The following GAD2 variants were observed in gnomAD, a reference collection of about 807,000 sequenced individuals.
GAD2 encodes the protein glutamate decarboxylase 2, also known as 65 kDa glutamic acid decarboxylase.
In GAD2, 22 loss-of-function variants were observed where a neutral mutation model predicts 80.1. The ratio of observed to expected loss-of-function variants is 0.27; its 90% CI spans 0.20 to 0.39. The LOEUF (loss-of-function observed/expected upper bound fraction) is 0.39, where lower values mean the gene tolerates loss of function less well. Ranked by LOEUF, GAD2 falls within the 10% of genes least tolerant of loss-of-function variation. The pLI, the probability that GAD2 is intolerant of heterozygous loss-of-function variation, is 1.00. For synonymous variants in GAD2, 274 were observed against 256.9 expected (o/e 1.07, Z -0.64); for missense variants, 624 against 738.4 (o/e 0.85, Z 1.80).
chr10:26,225,079 G>C (rs141662260), intron 6 of GAD2, among the ~76,000 whole-genome samples: 283 of 152,198 alleles, frequency 1.9e-3, no homozygotes, highest in African/African-American at 6.4e-3. Flanking sequence ...CTACTCAGTA[G>C]AGCATATGGA....
chr10:26,286,286 C>A, intron 12 of GAD2, 59 bp from the exon 13 acceptor site: 1 of 1,390,274 alleles, frequency 7.2e-7, no homozygotes, highest in Non-Finnish European at 9.9e-7. Flanking sequence ...TAATTTTTAC[C>A]AATATAAATC....
At chr10:26,237,200 T>C (rs987132504) in intron 7 of GAD2, among the ~76,000 whole-genome samples, 1 of 152,188 alleles carries the variant, frequency 6.6e-6, no homozygotes, top group African/African-American at 2.4e-5. Context: ...AAGGGGCTCC[T>C]GAGATCCCAT....
intron 8 of GAD2, among the ~76,000 whole-genome samples, chr10:26,260,583 G>T (rs1192615384): frequency 6.6e-6 from 1 of 152,134 alleles, no homozygotes; most frequent in Non-Finnish European, 1.5e-5. Flanking sequence ...AGCCAAGATC[G>T]AGCCACTGCA....
chr10:26,248,273 T>A (rs2132289746), intron 8 of GAD2, among the ~76,000 whole-genome samples: 1 of 152,346 alleles, frequency 6.6e-6, no homozygotes, highest in East Asian at 1.9e-4. Flanking sequence ...ATTCAAAGGT[T>A]TTCTGATTTG....
chr10:26,226,542 G>T (rs768643457), intron 6 of GAD2, among the ~76,000 whole-genome samples: 3 of 152,188 alleles, frequency 2.0e-5, no homozygotes, highest in Non-Finnish European at 4.4e-5. Flanking sequence ...CATCACAGAC[G>T]AGAAGTGGCT....
chr10:26,282,124 G>A (rs1245896788), intron 12 of GAD2, among the ~76,000 whole-genome samples: 1 of 123,072 alleles, frequency 8.1e-6, no homozygotes, highest in Non-Finnish European at 1.6e-5. Flanking sequence ...TGTGGTTTTA[G>A]TAGAGACAGG....
chr10:26,216,951 G>A lies in GAD2; in HGVS notation c.76+66G>A. 1 of 1,398,398 alleles carries A rather than the reference G, an allele frequency of 7.2e-7. No homozygotes were observed. The highest frequency in any genetic ancestry group is 1.0e-6 in the Non-Finnish European group (1 of 1,001,598). The allele number at this position is 1,398,398 out of a possible 1,614,324, so 86.6% of individuals were successfully genotyped here. On this transcript the variant is annotated intron_variant, in intron 1 of 15. Coordinates refer to ENST00000376261, the MANE Select transcript of GAD2 (RefSeq NM_001134366.2). The surrounding 1 kb of genome is among the most constrained non-coding windows in gnomAD (Gnocchi z 4.7). ...GGTGGTCTGGGGTTTGCGGAACTACGGAGAAGACGAAGGAGGTTTTTCCAC... is the reference window on the plus strand; with the variant it reads ...GGTGGTCTGGGGTTTGCGGAACTACAGAGAAGACGAAGGAGGTTTTTCCAC...
chr10:26,265,053 G>C (rs547602696), intron 8 of GAD2, among the ~76,000 whole-genome samples: 106 of 152,298 alleles, frequency 7.0e-4, no homozygotes, highest in Admixed American at 4.7e-3. Context: ...AATTAGGCAT[G>C]AAACTGGGAC....
intron 15 of GAD2, among the ~76,000 whole-genome samples, chr10:26,296,432 A>G (rs180708798): frequency 8.3e-4 from 126 of 152,366 alleles, no homozygotes; most frequent in East Asian, 1.3e-3. Context: ...GAAGTTATTA[A>G]TAAAGCAAAT....
At chr10:26,248,696 G>A (rs1160224568) in intron 8 of GAD2, among the ~76,000 whole-genome samples, 3 of 152,132 alleles carry the variant, frequency 2.0e-5, no homozygotes, top group Non-Finnish European at 4.4e-5. Flanking sequence ...AGGGCTCCCT[G>A]CCCCACTCAG....
chr10:26,229,721 G>A lies in GAD2; in HGVS notation c.784G>A (p.Val262Ile), dbSNP rs1589138178. ...CGCACGCTTTAAGATGTTCCCAGAA[G>A]TCAAGGAGAAAGGAATGGCTGCTCT... ...MIARFKMFPEVKEKGMAALPR... is the reference protein window; with the variant it reads ...MIARFKMFPEIKEKGMAALPR... The change falls in exon 7 of 16, where the codon GTC becomes ATC. Residue 262 changes from valine (V) to isoleucine (I), a missense_variant. Val to Ile is a conservative substitution (Grantham distance 29, BLOSUM62 3). Coordinates refer to ENST00000376261, the MANE Select transcript of GAD2 (RefSeq NM_001134366.2). 1 of 1,614,202 alleles carries A rather than the reference G, an allele frequency of 6.2e-7. No homozygotes were observed. The highest frequency in any genetic ancestry group is 8.5e-7 in the Non-Finnish European group (1 of 1,180,036).
intron 4 of GAD2, among the ~76,000 whole-genome samples, chr10:26,222,032 G>C (rs966742648): frequency 6.6e-6 from 1 of 152,198 alleles, no homozygotes. Flanking sequence ...GAAATCGAGA[G>C]AGCCTGTTGA....
chr10:26,217,658 A>C lies in GAD2; in HGVS notation c.125A>C (p.Asn42Thr), dbSNP rs754328283. The C allele has an allele frequency of 8.1e-6, 13 of 1,613,600 alleles. No individual in the cohort carries two copies. Among genetic ancestry groups the C allele is most frequent in the Non-Finnish European group, 8.5e-6 (10 of 1,179,844 alleles). The change falls in exon 2 of 16, where the codon AAC becomes ACC. Residue 42 changes from asparagine (N) to threonine (T), a missense_variant. Asn to Thr is a moderately conservative substitution (Grantham distance 65). Coordinates refer to ENST00000376261, the MANE Select transcript of GAD2 (RefSeq NM_001134366.2). The surrounding 1 kb of genome is among the most constrained non-coding windows in gnomAD (Gnocchi z 4.9). The part of the protein sequence containing the change: ...VAQKFTGGIG[N>T]KLCALLYGDA... ...CAGAAGTTCACGGGCGGCATCGGAA[A>C]CAAACTGTGCGGTGAGTGCCCAGGG...
At position 26,286,333 on chromosome 10, in the gene GAD2, T is replaced by A. The variant is rs1243402570; in HGVS notation, c.1237-12T>A. ...CAGTAGAATTTCCTAAATTTTCTCTTCTCTCTTGTAGGGATTGATGCAGAA... is the reference window on the plus strand; with the variant it reads ...CAGTAGAATTTCCTAAATTTTCTCTACTCTCTTGTAGGGATTGATGCAGAA... On this transcript the variant is annotated splice_polypyrimidine_tract_variant and intron_variant, in intron 12 of 15. Transcript: ENST00000376261. 2 of 1,599,114 alleles carry A rather than the reference T, an allele frequency of 1.3e-6. No homozygotes were observed. Among genetic ancestry groups the A allele is most frequent in the Non-Finnish European group, 1.7e-6 (2 of 1,176,180 alleles).
At chr10:26,286,253 G>A in intron 12 of GAD2, 92 bp from the exon 13 acceptor site, 2 of 1,133,216 alleles carry the variant, frequency 1.8e-6, no homozygotes, top group Non-Finnish European at 2.5e-6. Flanking sequence ...GATATGCAAT[G>A]TCTCTTACTT....
intron 6 of GAD2, among the ~76,000 whole-genome samples, chr10:26,228,813 C>T (rs1263893645): frequency 6.6e-6 from 1 of 152,112 alleles, no homozygotes; most frequent in Admixed American, 6.6e-5. Flanking sequence ...CCCACCAGCC[C>T]CCGACCTTCC....
At chr10:26,249,814 A>G (rs1417460512) in intron 8 of GAD2, among the ~76,000 whole-genome samples, 1 of 152,174 alleles carries the variant, frequency 6.6e-6, no homozygotes, top group Non-Finnish European at 1.5e-5. Flanking sequence ...GTTCAGGCCT[A>G]GAAGAAGGAA....
At chr10:26,286,629 C>A in intron 13 of GAD2, 135 bp downstream of exon 13, 1 of 784,494 alleles carries the variant, frequency 1.3e-6, no homozygotes, top group Non-Finnish European at 1.9e-6. Context: ...AAACTTGCGT[C>A]TAAATACCTT....
chr10:26,287,592 T>C (rs1017799061), intron 13 of GAD2, among the ~76,000 whole-genome samples: 18 of 152,240 alleles, frequency 1.2e-4, no homozygotes, highest in Non-Finnish European at 2.6e-4. Flanking sequence ...GGATAGGCAA[T>C]TGCTAGGCAG....
Sources: allele counts gnomAD v4.1 joint callset (sites outside exome capture counted in the v4.1 genomes callset), GRCh38; gene constraint gnomAD v4.1.1; non-coding constraint Gnocchi (gnomAD v3.1); transcripts MANE v1.5; gene names NCBI Gene and HGNC (gene_info 2026-07-23, HGNC 2026-07-21).